LTBP1: variants seen among roughly 807,000 people sequenced by gnomAD.
The protein encoded by LTBP1 is latent-transforming growth factor beta-binding protein 1.
LTBP1 carries 129 observed loss-of-function variants against 207.6 expected under a neutral mutation model. The ratio of observed to expected loss-of-function variants is 0.62; its 90% CI spans 0.54 to 0.72. The LOEUF (loss-of-function observed/expected upper bound fraction) is 0.72. Ranked by LOEUF, LTBP1 falls within the 30% of genes least tolerant of loss-of-function variation. The pLI is 0.00. For synonymous variants in LTBP1, 963 were observed against 833.7 expected (o/e 1.16, Z -2.67); for missense variants, 2,281 against 2,217.2 (o/e 1.03, Z -0.58).
At chr2:33,189,296 A>G (rs1573063516) in intron 7 of LTBP1, among the ~76,000 whole-genome samples, 1 of 152,202 alleles carries the variant, frequency 6.6e-6, no homozygotes, top group East Asian at 1.9e-4. Context: ...CCCAGCTTCA[A>G]GTGATTCTCC....
chr2:33,138,848 C>CTTTTTTTTT (rs71409603), intron 5 of LTBP1, among the ~76,000 whole-genome samples: 2 of 77,646 alleles, frequency 2.6e-5, no homozygotes, highest in Non-Finnish European at 2.3e-5. Context: ...AGTATGTTCT[C>CTTTTTTTTT]TTTTTTTTTT....
chr2:33,239,738 C>A (rs76501614), intron 9 of LTBP1, among the ~76,000 whole-genome samples: 146 of 126,896 alleles, frequency 1.2e-3, no homozygotes, highest in Middle Eastern at 4.0e-3. Flanking sequence ...ACTAAAAATA[C>A]AAAAAAAAAA....
chr2:32,986,421 T>A (rs1683579290), intron 2 of LTBP1, among the ~76,000 whole-genome samples: 1 of 152,158 alleles, frequency 6.6e-6, no homozygotes, highest in Non-Finnish European at 1.5e-5. Context: ...TAAAAGAGGT[T>A]GTTTATTGGC....
At chr2:33,378,773 T>C (rs2095176290) in intron 31 of LTBP1, among the ~76,000 whole-genome samples, 1 of 152,234 alleles carries the variant, frequency 6.6e-6, no homozygotes, top group Non-Finnish European at 1.5e-5. Context: ...AGCTGCTGAC[T>C]GCCCATGTCT....
At chr2:32,949,839 A>G (rs1314534081) in intron 2 of LTBP1, among the ~76,000 whole-genome samples, 1 of 152,224 alleles carries the variant, frequency 6.6e-6, no homozygotes, top group Non-Finnish European at 1.5e-5. Flanking sequence ...CAATCTGGTG[A>G]CCTTGTTTGT....
intron 13 of LTBP1, among the ~76,000 whole-genome samples, chr2:33,259,918 A>C: frequency 6.6e-6 from 1 of 152,310 alleles, no homozygotes; most frequent in Admixed American, 6.5e-5. Context: ...ATAGAATTCA[A>C]TGTCACCTGA....
chr2:33,065,268 C>T (rs563481421), intron 3 of LTBP1, among the ~76,000 whole-genome samples: 3 of 152,130 alleles, frequency 2.0e-5, no homozygotes, highest in Admixed American at 1.3e-4. Flanking sequence ...GGATAAATTC[C>T]ACTTGAGGTG....
At chr2:33,210,218 A>T (rs1379704207) in intron 7 of LTBP1, among the ~76,000 whole-genome samples, 2 of 152,218 alleles carry the variant, frequency 1.3e-5, no homozygotes, top group Non-Finnish European at 2.9e-5. Flanking sequence ...ATTTGTTGAG[A>T]TAAGATATTA....
At chr2:33,007,258 G>T (rs1381592613) in intron 2 of LTBP1, among the ~76,000 whole-genome samples, 1 of 152,230 alleles carries the variant, frequency 6.6e-6, no homozygotes, top group African/African-American at 2.4e-5. Flanking sequence ...TGGGATTACA[G>T]GCGTGAGCCA....
intron 31 of LTBP1, among the ~76,000 whole-genome samples, chr2:33,384,495 A>G (rs533891609): frequency 3.2e-4 from 49 of 152,312 alleles, no homozygotes; most frequent in African/African-American, 1.2e-3. Context: ...TGGGGTCTCA[A>G]ATGGGATTGC....
Position 33,257,576 on chromosome 2 carries a change from G to A in LTBP1, c.2395+65G>A. 5.2e-6 allele frequency: 7 copies of A among 1,344,686 alleles called. No homozygotes were observed. The South Asian group carries it at 6.2e-5, about 12-fold the overall frequency. 83.3% of individuals were successfully genotyped at this position (1,344,686 alleles called of 1,614,324 possible). On this transcript the variant is annotated intron_variant, in intron 12 of 33. Transcript: ENST00000404816. ...TGTGTGTCTTTGCTTTGATTTCCCT[G>A]TTTATAACCCTCTAGAACAGAGTTT...
At chr2:32,980,949 G>T (rs1212304165) in intron 2 of LTBP1, among the ~76,000 whole-genome samples, 1 of 152,314 alleles carries the variant, frequency 6.6e-6, no homozygotes, top group South Asian at 2.1e-4. Flanking sequence ...GCTGCCAGAT[G>T]TATTGCGCTC....
chr2:32,959,227 G>A (rs1025485410), intron 2 of LTBP1, among the ~76,000 whole-genome samples: 1 of 152,116 alleles, frequency 6.6e-6, no homozygotes, highest in Admixed American at 6.5e-5. Flanking sequence ...TTGGAGGAAG[G>A]TGTTGCTATC....
chr2:33,391,589 C>T (rs2095314887), intron 32 of LTBP1, among the ~76,000 whole-genome samples: 1 of 152,120 alleles, frequency 6.6e-6, no homozygotes, highest in African/African-American at 2.4e-5. Context: ...TAACTCTGTT[C>T]TTAGATGTAA....
chr2:33,188,936 C>T lies in LTBP1; in HGVS notation c.1701+85C>T, dbSNP rs900168482. ...AAGAAAGCCAGACTTGATAAAAATG[C>T]TTTTTTAAAAAAAAGGCTTTGACAA... is the stretch of plus-strand genomic sequence containing the variant. On this transcript the variant is annotated intron_variant, in intron 7 of 33. Coordinates refer to ENST00000404816, the MANE Select transcript of LTBP1 (RefSeq NM_206943.4). 6.7e-6 allele frequency: 9 copies of T among 1,352,816 alleles called. No homozygotes were observed. In the African/African-American group the frequency reaches 1.0e-4, roughly 15 times the overall value. 83.8% of individuals were successfully genotyped at this position (1,352,816 alleles called of 1,614,324 possible).
rs371237719 is a variant in LTBP1 at position 33,367,834 on chromosome 2, G to A, written c.4711+2331G>A. Among the ~76,000 whole-genome samples, 62 of 152,254 alleles carry A rather than the reference G, an allele frequency of 4.1e-4. No homozygotes were observed. In the South Asian group the frequency reaches 0.012, roughly 28 times the overall value. ...AAGATGGGGCAGGGAAAGGTTAGGG[G>A]AGGAAGAAAAACAAATGCCCAGCAC... On this transcript the variant is annotated intron_variant, in intron 31 of 33. Coordinates refer to ENST00000404816, the MANE Select transcript of LTBP1 (RefSeq NM_206943.4).
intron 1 of LTBP1, 133 bp from the exon 2 acceptor site, chr2:32,948,742 A>G (rs956602307): frequency 5.0e-6 from 4 of 800,730 alleles, no homozygotes; most frequent in East Asian, 2.5e-5. Flanking sequence ...CATCCAGGGT[A>G]CCTGTTAGGA....
rs542875097 is a variant in LTBP1, at chr2:33,285,978, A to C, written c.3112+5820A>C. On this transcript the variant is annotated intron_variant, in intron 19 of 33. Transcript: ENST00000404816. ...TGTAGGGTCATTAGTGATTCCTAACAAATGTTCAGGCATCTATAATAATGC... is the reference window on the plus strand; with the variant it reads ...TGTAGGGTCATTAGTGATTCCTAACCAATGTTCAGGCATCTATAATAATGC... The C allele has an allele frequency of 9.9e-4, 151 of 152,254 alleles. 2 individuals carry two copies. Among genetic ancestry groups the C allele is most frequent in the Middle Eastern group, 3.4e-3 (1 of 296 alleles). The allele number at this position is 152,254 out of a possible 1,614,324, so 9.4% of individuals were successfully genotyped here. A position where few individuals can be genotyped will look rare whatever the true frequency, so the allele number is the denominator to read the frequency against.
chr2:33,070,431 C>T (rs1212435985), intron 3 of LTBP1, among the ~76,000 whole-genome samples: 3 of 152,208 alleles, frequency 2.0e-5, no homozygotes, highest in African/African-American at 7.2e-5. Context: ...GGCTGGTGGC[C>T]ACAGGCCATC....
Sources: allele counts gnomAD v4.1 joint callset (sites outside exome capture counted in the v4.1 genomes callset), GRCh38; gene constraint gnomAD v4.1.1; transcripts MANE v1.5; gene names NCBI Gene and HGNC (gene_info 2026-07-23, HGNC 2026-07-21).